Variants in IL33 observed in about 807,000 individuals in gnomAD.
IL33 encodes interleukin 33, also known as interleukin-33.
IL33 carries 37 observed loss-of-function variants against 27.3 expected under a neutral mutation model. That is an observed-to-expected ratio of 1.36 (90% CI 1.04 to 1.78). The LOEUF is 1.78. Among genes scored for constraint, IL33 ranks in the 40% most tolerant of loss-of-function variants. The probability of loss-of-function intolerance (pLI) is 0.00; values close to 1 mark genes in which losing one functional copy is unlikely to be tolerated. For synonymous variants in IL33, 132 were observed against 102.9 expected (o/e 1.28, Z -1.71); for missense variants, 406 against 311.4 (o/e 1.30, Z -2.29).
chr9:6,217,304 G>A (rs935459694), intron 1 of IL33, among the ~76,000 whole-genome samples: 1 of 152,124 alleles, frequency 6.6e-6, no homozygotes, highest in Non-Finnish European at 1.5e-5. Context: ...ATTTTACTAT[G>A]CCTACATCTT....
At chr9:6,236,199 T>C (rs1435079971) in intron 1 of IL33, among the ~76,000 whole-genome samples, 4 of 152,214 alleles carry the variant, frequency 2.6e-5, no homozygotes, top group Non-Finnish European at 4.4e-5. Flanking sequence ...TGTAAAAGAA[T>C]GTTTCTAATA....
intron 1 of IL33, among the ~76,000 whole-genome samples, chr9:6,233,365 A>G (rs912845496): frequency 1.3e-5 from 2 of 152,072 alleles, no homozygotes; most frequent in Non-Finnish European, 2.9e-5. Context: ...TTCTCTCACT[A>G]GTTCCTCCTC....
At chr9:6,246,091 A>C (rs1041221769) in intron 2 of IL33, among the ~76,000 whole-genome samples, 6 of 136,556 alleles carry the variant, frequency 4.4e-5, no homozygotes, top group African/African-American at 1.7e-4. Flanking sequence ...AAAAAAAAAA[A>C]AAAAAAGAAT....
chr9:6,254,387 C>A (rs1022976110), intron 6 of IL33, 75 bp from the exon 7 acceptor site: 2 of 881,116 alleles, frequency 2.3e-6, no homozygotes, highest in Admixed American at 5.8e-5. Context: ...GACTTTTTTC[C>A]TGGGTGTTGA....
intron 1 of IL33, among the ~76,000 whole-genome samples, chr9:6,234,248 G>A (rs530740679): frequency 3.9e-5 from 6 of 152,340 alleles, no homozygotes; most frequent in African/African-American, 1.4e-4. Context: ...ACATGGCTAA[G>A]TTTGGCCTCT....
intron 2 of IL33, chr9:6,242,112 T>C: frequency 6.0e-6 from 1 of 166,978 alleles, no homozygotes; most frequent in South Asian, 1.9e-4. Context: ...CCCAAAACCT[T>C]TTCCCTGATA....
In IL33 at chr9:6,256,082, A is replaced by C. The variant is rs1816714462; in HGVS notation, c.727A>C (p.Lys243Gln). Residue 243 changes from lysine to glutamine, a missense_variant, in exon 8 of 8, where the codon AAG (lysine) becomes CAG (glutamine). By Grantham distance (53) the Lys-to-Gln change is moderately conservative (BLOSUM62 1). Coordinates refer to ENST00000682010, the MANE Select transcript of IL33 (RefSeq NM_033439.4). Reference protein sequence around the residue: ...KTDPGVFIGVKDNHLALIKVD... With the variant: ...KTDPGVFIGVQDNHLALIKVD... ...TGATCCTGGAGTGTTTATAGGTGTA[A>C]AGGATAATCATCTTGCTCTGATTAA... The C allele has an allele frequency of 6.2e-7, 1 of 1,613,068 alleles. No individual in the cohort carries two copies. The highest frequency in any genetic ancestry group is 1.3e-5 in the African/African-American group (1 of 74,894).
intron 2 of IL33, among the ~76,000 whole-genome samples, chr9:6,244,414 A>G (rs1205416452): frequency 6.6e-6 from 1 of 152,160 alleles, no homozygotes. Flanking sequence ...AATGAACCCT[A>G]TATATACTAT....
In IL33 at chr9:6,256,110, T is replaced by G. The variant is rs778219414; in HGVS notation, c.755T>G (p.Val252Gly). Residue 252 changes from valine (V) to glycine (G), a missense_variant, in exon 8 of 8, where the codon GTA becomes GGA. Transcript: ENST00000682010. ...VKDNHLALIK[V>G]DSSENLCTEN... ...GATAATCATCTTGCTCTGATTAAAG[T>G]AGACTCTTCTGAGAATTTGTGTACT... The G allele has an allele frequency of 6.2e-7, 1 of 1,613,344 alleles. No homozygotes were observed. Among genetic ancestry groups the G allele is most frequent in the South Asian group, 1.1e-5 (1 of 91,058 alleles).
Position 6,246,922 on chromosome 9 carries a change from G to A in IL33, c.92-3552G>A, listed in dbSNP as rs532649672. Among the ~76,000 whole-genome samples, 19 of 152,332 alleles carry A rather than the reference G, an allele frequency of 1.2e-4. No individual in the cohort carries two copies. In the South Asian group the frequency reaches 3.5e-3, roughly 28 times the overall value. On this transcript the variant is annotated intron_variant, in intron 2 of 7. Transcript: ENST00000682010. ...GGCAGCAGAAAAGAGACTAAGACCA[G>A]TGTACTTTAGTTTAAGGTAGCTGCA...
Position 6,251,216 on chromosome 9 carries a change from A to G in IL33, c.294A>G (p.Ile98Met). 1.2e-6 allele frequency: 2 copies of G among 1,613,980 alleles called. No homozygotes were observed. The highest frequency in any genetic ancestry group is 2.2e-5 in the East Asian group (1 of 44,878). ...QSTVECFAFG[I>M]SGVQKYTRAL... is the part of the protein sequence containing the mutation. ...CTGTGGAGTGCTTTGCCTTTGGTAT[A>G]TCAGGGGTCCAGAAATATACTAGAG... The change falls in exon 4 of 8, where the codon ATA becomes ATG. Residue 98 changes from isoleucine to methionine, a missense_variant. Transcript: ENST00000682010.
At chr9:6,216,383 C>T (rs1818144129) in intron 1 of IL33, among the ~76,000 whole-genome samples, 1 of 152,154 alleles carries the variant, frequency 6.6e-6, no homozygotes, top group Non-Finnish European at 1.5e-5. Flanking sequence ...CTACTTCTAA[C>T]TCCTAATGCT....
intron 1 of IL33, among the ~76,000 whole-genome samples, chr9:6,238,923 T>C (rs1819378972): frequency 6.6e-6 from 1 of 152,300 alleles, no homozygotes; most frequent in African/African-American, 2.4e-5. Context: ...CAGAACTCCA[T>C]ATTTTTTCAG....
At chr9:6,251,482 T>A (rs1252232487) in intron 4 of IL33, among the ~76,000 whole-genome samples, 1 of 152,152 alleles carries the variant, frequency 6.6e-6, no homozygotes, top group African/African-American at 2.4e-5. Flanking sequence ...TAGCACTCCA[T>A]CATTATTTTG....
intron 1 of IL33, among the ~76,000 whole-genome samples, chr9:6,224,490 G>T (rs1157512642): frequency 6.6e-6 from 1 of 152,126 alleles, no homozygotes; most frequent in Non-Finnish European, 1.5e-5. Flanking sequence ...AGGATTTAGA[G>T]TACTGCCCAA....
At chr9:6,252,267 T>G (rs192794875) in intron 4 of IL33, among the ~76,000 whole-genome samples, 41 of 152,210 alleles carry the variant, frequency 2.7e-4, no homozygotes, top group Non-Finnish European at 5.1e-4. Flanking sequence ...TTTTGTATAC[T>G]ATTTTTTTCC....
At chr9:6,232,099 G>A (rs1248682041) in intron 1 of IL33, among the ~76,000 whole-genome samples, 1 of 152,150 alleles carries the variant, frequency 6.6e-6, no homozygotes, top group Non-Finnish European at 1.5e-5. Flanking sequence ...TAATCAAAGA[G>A]CATTGTCTGA....
At chr9:6,218,911 T>TGTTCTCC (rs1332032061) in intron 1 of IL33, among the ~76,000 whole-genome samples, 76 of 85,354 alleles carry the variant, frequency 8.9e-4, no homozygotes, top group Non-Finnish European at 1.2e-3. Context: ...TATATATATA[T>TGTTCTCC]ATATATATAT....
At chr9:6,245,491 A>T (rs1819781775) in intron 2 of IL33, among the ~76,000 whole-genome samples, 1 of 152,174 alleles carries the variant, frequency 6.6e-6, no homozygotes, top group Non-Finnish European at 1.5e-5. Flanking sequence ...GAATGATAAA[A>T]TATTTTTACT....
Sources: allele counts gnomAD v4.1 joint callset (sites outside exome capture counted in the v4.1 genomes callset), GRCh38; gene constraint gnomAD v4.1.1; transcripts MANE v1.5; gene names NCBI Gene and HGNC (gene_info 2026-07-23, HGNC 2026-07-21).